The following GRHL2 variants were observed in gnomAD, a reference collection of about 807,000 sequenced individuals.
GRHL2 encodes grainyhead-like protein 2 homolog.
In GRHL2, 21 loss-of-function variants were observed where a neutral mutation model predicts 83.8. That is an observed-to-expected ratio of 0.25 (90% confidence interval 0.18 to 0.36). The LOEUF is 0.36. Ranked by LOEUF, GRHL2 falls within the 10% of genes least tolerant of loss-of-function variation. The pLI, the probability that GRHL2 is intolerant of heterozygous loss-of-function variation, is 1.00. For synonymous variants in GRHL2, 280 were observed against 278.9 expected (o/e 1.00, Z -0.04); for missense variants, 623 against 781.8 (o/e 0.80, Z 2.42).
intron 3 of GRHL2, among the ~76,000 whole-genome samples, chr8:101,558,157 G>A (rs917817094): frequency 2.0e-5 from 3 of 152,150 alleles, no homozygotes; most frequent in East Asian, 1.9e-4. Context: ...GAGGCACCGC[G>A]CCTGGCCTCG....
At chr8:101,507,552 A>G (rs1164323449) in intron 1 of GRHL2, among the ~76,000 whole-genome samples, 1 of 152,154 alleles carries the variant, frequency 6.6e-6, no homozygotes, top group African/African-American at 2.4e-5. Context: ...ATACAATTAC[A>G]CTATGTATGA....
chr8:101,674,578 C>A (rs529689259), downstream of GRHL2, among the ~76,000 whole-genome samples: 3 of 152,200 alleles, frequency 2.0e-5, no homozygotes, highest in Admixed American at 2.0e-4. Flanking sequence ...AGCTTACCAA[C>A]CAAAAAAAGT....
downstream of GRHL2, among the ~76,000 whole-genome samples, chr8:101,672,857 G>C (rs1385279478): frequency 6.6e-6 from 1 of 151,590 alleles, no homozygotes; most frequent in Non-Finnish European, 1.5e-5. Flanking sequence ...CTGATCTCTC[G>C]GCAGAAACCC....
rs1181379838 is a variant in GRHL2 at position 101,664,470 on chromosome 8, G to A, written c.1715G>A (p.Gly572Glu). ...GLMEAISEKY[G>E]LPVEKIAKLY... ...GTATTACAGATATCTGAGAAATATG[G>A]GCTGCCCGTGGAGAAGATAGCAAAG... Residue 572 changes from glycine (G) to glutamate (E), a missense_variant, in exon 15 of 16, where the codon GGG becomes GAG. Physicochemically the swap from Gly to Glu is moderately conservative, Grantham distance 98. Around this residue, in one of 8 missense-constraint regions of GRHL2, gnomAD observed 210 missense variants for 254.8 expected, o/e 0.82. Transcript: ENST00000646743. 4 of 1,613,484 alleles carry A rather than the reference G, an allele frequency of 2.5e-6. No individual in the cohort carries two copies. In the Admixed American group the frequency reaches 6.7e-5, roughly 27 times the overall value.
At chr8:101,671,570 G>A (rs550146461), downstream of GRHL2, among the ~76,000 whole-genome samples, 2 of 152,216 alleles carry the variant, frequency 1.3e-5, no homozygotes, top group South Asian at 4.1e-4. Flanking sequence ...ACAGCTCAAG[G>A]AGACCTGCCT....
intron 1 of GRHL2, among the ~76,000 whole-genome samples, chr8:101,510,612 C>T (rs1183508372): frequency 1.3e-5 from 2 of 151,988 alleles, no homozygotes; most frequent in African/African-American, 4.8e-5. Context: ...TTAAAATTTA[C>T]AAATATTAAA....
At chr8:101,584,844 TAGGTGGTCAAATGGCC>T (rs1484441199) in intron 7 of GRHL2, among the ~76,000 whole-genome samples, 4 of 150,234 alleles carry the variant, frequency 2.7e-5, no homozygotes, top group African/African-American at 7.4e-5. Flanking sequence ...GTCAGGTGGC[TAGGTGGTCAAATGGCC>T]AGGTGGTCAG....
chr8:101,602,339 T>TCC, intron 8 of GRHL2, among the ~76,000 whole-genome samples: 2 of 152,224 alleles, frequency 1.3e-5, no homozygotes, highest in African/African-American at 4.8e-5. Flanking sequence ...TGTTGTGGAC[T>TCC]TATCTATCAG....
At chr8:101,626,432 T>C (rs989429080) in intron 9 of GRHL2, among the ~76,000 whole-genome samples, 2 of 152,108 alleles carry the variant, frequency 1.3e-5, no homozygotes, top group African/African-American at 4.8e-5. Flanking sequence ...TAGATACCTA[T>C]GTGTGTATCT....
downstream of GRHL2, among the ~76,000 whole-genome samples, chr8:101,672,574 C>A (rs1317811546): frequency 3.3e-5 from 5 of 151,914 alleles, no homozygotes; most frequent in South Asian, 8.4e-4. Context: ...AAATCCATGT[C>A]TGATTGGTGT....
In GRHL2 at chr8:101,666,450, T is replaced by C. The variant is rs74337254; in HGVS notation, c.1764-139T>C. On this transcript the variant is annotated intron_variant, in intron 15 of 15. Transcript: ENST00000646743. ...ACAGAATGAGGGTCTTTCCCTGCCT[T>C]GTGTCCTCTCTCCTCCACTCCTCCC... is the stretch of plus-strand genomic sequence containing the variant. 3.7e-3 allele frequency: 2,547 copies of C among 685,504 alleles called. 37 individuals carry two copies. The highest frequency in any genetic ancestry group is 0.034 in the African/African-American group (1,925 of 56,606). 42.5% of individuals were successfully genotyped at this position (685,504 alleles called of 1,614,324 possible). A position where few individuals can be genotyped will look rare whatever the true frequency, so the allele number is the denominator to read the frequency against.
rs545121709 is a variant in GRHL2 at position 101,663,629 on chromosome 8, A to G, written c.1699-825A>G. Among the ~76,000 whole-genome samples, 5 of 145,362 alleles carry G rather than the reference A, an allele frequency of 3.4e-5. No homozygotes were observed. The South Asian group carries it at 9.1e-4, about 26-fold the overall frequency. On this transcript the variant is annotated intron_variant, in intron 14 of 15. Transcript: ENST00000646743. ...TCCATCTCAAAAAATAAATAAATAA[A>G]TAAATAAATAAATAAAAATAAAAGT... is the stretch of plus-strand genomic sequence containing the variant.
chr8:101,634,770 C>T (rs1352348684), intron 11 of GRHL2, among the ~76,000 whole-genome samples: 2 of 152,152 alleles, frequency 1.3e-5, no homozygotes, highest in African/African-American at 4.8e-5. Context: ...GGGTATTTCA[C>T]TCTCAGGCCA....
intron 1 of GRHL2, among the ~76,000 whole-genome samples, chr8:101,495,011 A>G (rs1362500346): frequency 2.0e-5 from 3 of 152,232 alleles, no homozygotes; most frequent in South Asian, 4.1e-4. Context: ...AAGTCAATAC[A>G]TGACTTCTGG....
intron 1 of GRHL2, among the ~76,000 whole-genome samples, chr8:101,503,509 G>A (rs1471496824): frequency 2.0e-5 from 3 of 152,166 alleles, no homozygotes; most frequent in Non-Finnish European, 4.4e-5. Flanking sequence ...TATTTTTGGA[G>A]TATTATAATT....
At chr8:101,509,629 G>C (rs1810424001) in intron 1 of GRHL2, among the ~76,000 whole-genome samples, 1 of 152,102 alleles carries the variant, frequency 6.6e-6, no homozygotes, top group African/African-American at 2.4e-5. Flanking sequence ...CTTATGGTTA[G>C]CCTTTTAGAT....
chr8:101,565,312 G>T (rs769210275), intron 4 of GRHL2, among the ~76,000 whole-genome samples: 1 of 152,118 alleles, frequency 6.6e-6, no homozygotes, highest in Non-Finnish European at 1.5e-5. Flanking sequence ...AAATCATATA[G>T]ATATATAATC....
At chr8:101,564,161 G>T (rs1236837455) in intron 4 of GRHL2, among the ~76,000 whole-genome samples, 4 of 152,180 alleles carry the variant, frequency 2.6e-5, no homozygotes, top group Admixed American at 1.3e-4. Flanking sequence ...TGCTGTCCTT[G>T]TCTTGGAAAT....
intron 1 of GRHL2, among the ~76,000 whole-genome samples, chr8:101,514,468 G>T (rs547816092): frequency 6.6e-6 from 1 of 152,190 alleles, no homozygotes; most frequent in Non-Finnish European, 1.5e-5. Context: ...CCCAGCCCAA[G>T]GGCTGGAGAG....
Sources: allele counts gnomAD v4.1 joint callset (sites outside exome capture counted in the v4.1 genomes callset), GRCh38; gene constraint gnomAD v4.1.1; regional missense constraint gnomAD v4.1.1; transcripts MANE v1.5; gene names NCBI Gene and HGNC (gene_info 2026-07-23, HGNC 2026-07-21).